The following ESRP1 variants were observed in gnomAD, a reference collection of about 807,000 sequenced individuals.
ESRP1 encodes RNA-binding motif protein 35A.
Under a neutral mutation model 81.7 loss-of-function variants are expected in ESRP1, and 33 were observed. The observed-to-expected ratio is 0.40, with a 90% CI of 0.31 to 0.54. ESRP1 has a LOEUF of 0.54. Among genes scored for constraint, ESRP1 ranks in the 20% least tolerant of loss-of-function variants. The pLI, the probability that ESRP1 is intolerant of heterozygous loss-of-function variation, is 0.41. For missense variants in ESRP1, 672 were observed against 833.1 expected, an observed-to-expected ratio of 0.81 and a Z score of 2.38; for synonymous variants, 320 against 303.3, an observed-to-expected ratio of 1.06 and a Z score of -0.57.
At chr8:94,649,535 C>T (rs1458084242) in intron 4 of ESRP1, 1 of 152,074 alleles carries the variant, frequency 6.6e-6, no homozygotes, top group Non-Finnish European at 1.5e-5. Flanking sequence ...TTCTTTGAGA[C>T]AGAGCCTCCC....
Position 94,641,633 on chromosome 8 carries a change from C to T in ESRP1, c.132+183C>T, listed in dbSNP as rs565771887. 16 of 857,422 alleles carry T rather than the reference C, an allele frequency of 1.9e-5. No homozygotes were observed. The South Asian group carries it at 2.5e-4, about 13-fold the overall frequency. The allele number at this position is 857,422 out of a possible 1,614,324, so 53.1% of individuals were successfully genotyped here. On this transcript the variant is annotated intron_variant, in intron 1 of 15. Transcript: ENST00000433389. ...ACTTATTGGCCAACTGCCTTGGAGC[C>T]ATTTCAGTCCTCCGCAACTTAGCTC...
intron 3 of ESRP1, among the ~76,000 whole-genome samples, chr8:94,645,316 G>A (rs1192638281): frequency 6.6e-6 from 1 of 151,728 alleles, no homozygotes; most frequent in African/African-American, 2.4e-5. Flanking sequence ...TGTAAAAATG[G>A]GTAAAAATTC....
At chr8:94,668,789 A>ATATGTGTGTGTGTG (rs1554577934) in intron 10 of ESRP1, among the ~76,000 whole-genome samples, 1 of 143,774 alleles carries the variant, frequency 7.0e-6, no homozygotes, top group Non-Finnish European at 1.5e-5. Flanking sequence ...AGCTTTCAGC[A>ATATGTGTGTGTGTG]TGTGTGTGTG....
chr8:94,662,370 A>G lies in ESRP1; in HGVS notation c.589A>G (p.Asn197Asp), dbSNP rs1818789795. 1.3e-6 allele frequency: 2 copies of G among 1,568,444 alleles called. No homozygotes were observed. The highest frequency in any genetic ancestry group is 1.7e-6 in the Non-Finnish European group (2 of 1,152,998). ...TTTAGCAATGATTTCAGAGCCTTAT[A>G]GTAAGTATTGCTTTTATAGTAGTGC... Reference protein sequence around the residue: ...IILAMISEPYNHRFSDPERVN... With the variant: ...IILAMISEPYDHRFSDPERVN... The change falls in exon 5 of 16, where the codon AAT becomes GAT. Residue 197 changes from asparagine (N) to aspartate (D), a missense_variant and splice_region_variant. Transcript: ENST00000433389.
intron 13 of ESRP1, among the ~76,000 whole-genome samples, chr8:94,685,037 C>G (rs1400431981): frequency 6.6e-6 from 1 of 151,068 alleles, no homozygotes; most frequent in Non-Finnish European, 1.5e-5. Flanking sequence ...AAAAAAAAAG[C>G]CATATATATC....
chr8:94,677,730 G>A (rs1020443429), intron 12 of ESRP1, among the ~76,000 whole-genome samples: 1 of 152,194 alleles, frequency 6.6e-6, no homozygotes, highest in African/African-American at 2.4e-5. Context: ...TGTGGTAGTG[G>A]CCAAGAGAGG....
intron 15 of ESRP1, among the ~76,000 whole-genome samples, chr8:94,698,859 G>A: frequency 6.6e-6 from 1 of 152,298 alleles, no homozygotes; most frequent in East Asian, 1.9e-4. Flanking sequence ...GGAAACCCCA[G>A]TTCTAAGTTG....
Position 94,696,852 on chromosome 8 carries a change from T to C in ESRP1, c.1972T>C (p.Tyr658His). 1 of 1,577,420 alleles carries C rather than the reference T, an allele frequency of 6.3e-7. No homozygotes were observed. Among genetic ancestry groups the C allele is most frequent in the Non-Finnish European group, 8.6e-7 (1 of 1,161,826 alleles). Reference protein sequence around the residue: ...EILNFFQGYQYATEDGLIHTN... With the variant: ...EILNFFQGYQHATEDGLIHTN... ...TTGTTTGTTTTAACTTGCATTTTAG[T>C]ATGCAACCGAGGATGGACTTATACA... Residue 658 changes from tyrosine (Y) to histidine (H), a missense_variant and splice_region_variant, in exon 15 of 16, where the codon TAT (tyrosine) becomes CAT (histidine). By Grantham distance (83) the Tyr-to-His change is moderately conservative. Transcript: ENST00000433389.
intron 6 of ESRP1, among the ~76,000 whole-genome samples, chr8:94,662,830 A>G (rs1006182212): frequency 1.2e-4 from 19 of 152,114 alleles, no homozygotes; most frequent in African/African-American, 3.9e-4. Flanking sequence ...GGATGGTCTC[A>G]ATCTCCTGAC....
chr8:94,702,774 C>T (rs922757401), intron 15 of ESRP1, among the ~76,000 whole-genome samples: 10 of 152,282 alleles, frequency 6.6e-5, no homozygotes, highest in South Asian at 6.2e-4. Flanking sequence ...TGAGCCGCCA[C>T]GCCCAGCCTT....
intron 4 of ESRP1, among the ~76,000 whole-genome samples, chr8:94,659,006 A>G (rs1818581409): frequency 6.6e-6 from 1 of 152,006 alleles, no homozygotes; most frequent in South Asian, 2.1e-4. Flanking sequence ...TCCCAGGCTC[A>G]AGCAATCCTC....
intron 13 of ESRP1, among the ~76,000 whole-genome samples, chr8:94,687,749 T>C (rs1386962486): frequency 6.6e-6 from 1 of 152,222 alleles, no homozygotes; most frequent in African/African-American, 2.4e-5. Flanking sequence ...TCAAATCCTT[T>C]GCACATTTTT....
intron 9 of ESRP1, 150 bp from the exon 10 acceptor site, chr8:94,667,799 C>T: frequency 1.8e-6 from 1 of 545,286 alleles, no homozygotes. Context: ...TTAGAAAATT[C>T]TGATTTCTAG....
At chr8:94,651,300 G>T (rs1818118297) in intron 4 of ESRP1, among the ~76,000 whole-genome samples, 1 of 140,482 alleles carries the variant, frequency 7.1e-6, no homozygotes, top group Non-Finnish European at 1.5e-5. Context: ...GAGTGCATTG[G>T]TGCTGTAATG....
intron 4 of ESRP1, chr8:94,655,928 ACT>A (rs1403873060): frequency 6.6e-6 from 1 of 151,908 alleles, no homozygotes; most frequent in African/African-American, 2.4e-5. Context: ...TTGGTGGCAC[ACT>A]CTTGTAATGC....
At chr8:94,667,173 G>A (rs7826670) in intron 9 of ESRP1, among the ~76,000 whole-genome samples, 77,608 of 150,378 alleles carry the variant, frequency 0.52, 20,268 homozygotes, top group East Asian at 0.79. Flanking sequence ...AGCCGAGACC[G>A]TGCCACTGCA....
At chr8:94,671,409 G>A (rs1406851027) in intron 10 of ESRP1, 44 bp from the exon 11 acceptor site, 4 of 1,545,820 alleles carry the variant, frequency 2.6e-6, no homozygotes, top group Non-Finnish European at 2.6e-6. Flanking sequence ...GAAAGCAGGG[G>A]AGTAGCACAG....
rs571683127 is a variant in ESRP1 at position 94,645,303 on chromosome 8, T to C, written c.376-865T>C. Among the ~76,000 whole-genome samples, 26 of 152,270 alleles carry C rather than the reference T, an allele frequency of 1.7e-4. No individual in the cohort carries two copies. The East Asian group carries it at 4.6e-3, about 27-fold the overall frequency. Reference sequence around the variant, plus strand: ...AAAAGTCTTAATTTCCTTGATGTTCTAATGTAAAAATGGGTAAAAATTCCC... The same window carrying C: ...AAAAGTCTTAATTTCCTTGATGTTCCAATGTAAAAATGGGTAAAAATTCCC... On this transcript the variant is annotated intron_variant, in intron 3 of 15. Transcript: ENST00000433389.
At chr8:94,656,515 C>T (rs1818434188) in intron 4 of ESRP1, among the ~76,000 whole-genome samples, 1 of 152,176 alleles carries the variant, frequency 6.6e-6, no homozygotes, top group African/African-American at 2.4e-5. Context: ...GCCACCACGC[C>T]CGGCCCATAA....
Sources: allele counts gnomAD v4.1 joint callset (sites outside exome capture counted in the v4.1 genomes callset), GRCh38; gene constraint gnomAD v4.1.1; transcripts MANE v1.5; gene names NCBI Gene and HGNC (gene_info 2026-07-23, HGNC 2026-07-21).